Variants in NEK9 observed in about 807,000 individuals in gnomAD.
NEK9 encodes NIMA related kinase 9, also known as serine/threonine-protein kinase Nek9.
In NEK9, 75 loss-of-function variants were observed where a neutral mutation model predicts 123.4. That is an observed-to-expected ratio of 0.61 (90% CI 0.50 to 0.74). The LOEUF (loss-of-function observed/expected upper bound fraction) is 0.74. Among genes scored for constraint, NEK9 ranks in the 30% least tolerant of loss-of-function variants. The pLI is 0.00. For synonymous variants in NEK9, 438 were observed against 458.7 expected, an observed-to-expected ratio of 0.95 and a Z score of 0.58; for missense variants, 952 against 1,214.4, an observed-to-expected ratio of 0.78 and a Z score of 3.21.
In NEK9 at chr14:75,113,449, G is replaced by A. The variant is rs175464; in HGVS notation, c.874-46C>T. The A allele has an allele frequency of 1, 1,361,695 of 1,364,734 alleles. 679,369 individuals carry two copies. The highest frequency in any genetic ancestry group is 1 in the East Asian group (43,458 of 43,458). The allele number at this position is 1,364,734 out of a possible 1,614,324, so 84.5% of individuals were successfully genotyped here. On this transcript the variant is annotated intron_variant, in intron 7 of 21. Transcript: ENST00000238616. ...TAGTTTTCACTTAATGGAAATGGGC[G>A]ACATCGGATCTAAAGATGTTAATTA...
At chr14:75,118,722 T>G in intron 5 of NEK9, 108 bp downstream of exon 5, 1 of 692,402 alleles carries the variant, frequency 1.4e-6, no homozygotes, top group Non-Finnish European at 2.5e-6. Flanking sequence ...ATTAAAAGTA[T>G]GGAGAACTTG....
chr14:75,115,867 A>G (rs899481568), intron 6 of NEK9, among the ~76,000 whole-genome samples: 2 of 152,196 alleles, frequency 1.3e-5, no homozygotes, highest in African/African-American at 4.8e-5. Flanking sequence ...TTGTACTTTA[A>G]TTTACTTAAA....
chr14:75,083,238 TACAAGG>T lies in NEK9; in HGVS notation c.*1320_*1325del. 2.5e-6 allele frequency: 1 copy of T among 397,496 alleles called. No homozygotes were observed. Among genetic ancestry groups the T allele is most frequent in the East Asian group, 3.6e-5 (1 of 28,074 alleles). The allele number at this position is 397,496 out of a possible 1,614,324, so 24.6% of individuals were successfully genotyped here. A position where few individuals can be genotyped will look rare whatever the true frequency, so the allele number is the denominator to read the frequency against. ...GACACAAAATACCACAGGAACATTT[TACAAGG>T]CTAGGTGGAAATACAAAGCTCACAT... On this transcript the variant is annotated 3_prime_UTR_variant, in exon 22 of 22. Transcript: ENST00000238616.
chr14:75,091,980 C>CT lies in NEK9; in HGVS notation c.2234-503dup, dbSNP rs999518028. Among the ~76,000 whole-genome samples the CT allele has an allele frequency of 7.6e-3, 1,117 of 146,816 alleles. 6 individuals carry two copies. Among genetic ancestry groups the CT allele is most frequent in the African/African-American group, 0.024 (989 of 40,368 alleles). ...AAAATCTGAATGTTGAATTCTTCAA[C>CT]TTTTTTTTTTTTATTTGAGACCGAG... On this transcript the variant is annotated intron_variant, in intron 18 of 21. Transcript: ENST00000238616.
intron 7 of NEK9, 145 bp from the exon 8 acceptor site, chr14:75,113,548 A>G: frequency 1.6e-6 from 1 of 616,910 alleles, no homozygotes; most frequent in Non-Finnish European, 2.9e-6. Flanking sequence ...TATGCTTCTC[A>G]CCTCATTATA....
chr14:75,080,608 TAAAA>T lies in NEK9; in HGVS notation c.*3952_*3955del, dbSNP rs1893842192. The T allele has an allele frequency of 1.3e-5, 2 of 151,610 alleles. No individual in the cohort carries two copies. Among genetic ancestry groups the T allele is most frequent in the Non-Finnish European group, 1.5e-5 (1 of 67,980 alleles). The allele number at this position is 151,610 out of a possible 1,614,324, so 9.4% of individuals were successfully genotyped here. A position where few individuals can be genotyped will look rare whatever the true frequency, so the allele number is the denominator to read the frequency against. ...CTCCTCATGTGGAAACTCATTTCATTAAAAATGTATGCAGATGTGCCGAGACAGT... is the reference window on the plus strand; with the variant it reads ...CTCCTCATGTGGAAACTCATTTCATTATGTATGCAGATGTGCCGAGACAGT... On this transcript the variant is annotated 3_prime_UTR_variant, in exon 22 of 22. Transcript: ENST00000238616.
At chr14:75,096,870 C>A (rs1032082629) in intron 17 of NEK9, 16 of 379,572 alleles carry the variant, frequency 4.2e-5, no homozygotes, top group African/African-American at 3.1e-4. Context: ...AGGGGGCAGG[C>A]AGAGCCCAAA....
intron 1 of NEK9, among the ~76,000 whole-genome samples, chr14:75,124,549 T>C (rs966784928): frequency 5.9e-5 from 9 of 152,188 alleles, no homozygotes; most frequent in African/African-American, 2.2e-4. Flanking sequence ...ATGGTGATTA[T>C]GGCAGGGCAA....
At chr14:75,106,091 C>T in intron 12 of NEK9, 95 bp from the exon 13 acceptor site, 2 of 1,109,564 alleles carry the variant, frequency 1.8e-6, no homozygotes, top group Non-Finnish European at 2.7e-6. Flanking sequence ...TGCGGTGGCT[C>T]ACACCTGTAA....
chr14:75,092,376 C>T (rs775705210), intron 18 of NEK9, among the ~76,000 whole-genome samples: 12 of 151,936 alleles, frequency 7.9e-5, no homozygotes, highest in South Asian at 2.1e-4. Flanking sequence ...AAGTGATTCT[C>T]GTGCCTCAGC....
rs756664550 is a variant in NEK9 at position 75,107,504 on chromosome 14, T to A, written c.1183-17A>T. 5.8e-6 allele frequency: 9 copies of A among 1,558,998 alleles called. No homozygotes were observed. The highest frequency in any genetic ancestry group is 6.9e-6 in the Non-Finnish European group (8 of 1,159,072). On this transcript the variant is annotated splice_polypyrimidine_tract_variant and intron_variant, in intron 10 of 21. Coordinates refer to ENST00000238616, the MANE Select transcript of NEK9 (RefSeq NM_033116.6). ...TTGCATGTTCTGTGAAATAAAGAGG[T>A]CTTATGACTTTTTTTTTTAATTACA... is the stretch of plus-strand genomic sequence containing the variant.
intron 21 of NEK9, 63 bp from the exon 22 acceptor site, chr14:75,084,749 G>A: frequency 1.9e-6 from 3 of 1,602,864 alleles, no homozygotes. Context: ...AAGTAGTTCA[G>A]TACTATATTT....
chr14:75,094,825 C>T (rs545589271), intron 18 of NEK9, among the ~76,000 whole-genome samples: 18 of 152,068 alleles, frequency 1.2e-4, no homozygotes, highest in Non-Finnish European at 2.4e-4. Flanking sequence ...GGTTCTGAGA[C>T]ATCAAAGACT....
intron 4 of NEK9, among the ~76,000 whole-genome samples, chr14:75,119,595 T>C (rs762251963): frequency 1.4e-4 from 22 of 152,236 alleles, no homozygotes; most frequent in Non-Finnish European, 1.2e-4. Context: ...CCTCTTCAAC[T>C]ATCACTTATG....
intron 14 of NEK9, among the ~76,000 whole-genome samples, chr14:75,103,020 A>C (rs1416242078): frequency 6.6e-6 from 1 of 151,794 alleles, no homozygotes; most frequent in Non-Finnish European, 1.5e-5. Flanking sequence ...AGGAAGGGGA[A>C]CATCACACAC....
At chr14:75,115,907 T>G (rs1259522493) in intron 6 of NEK9, among the ~76,000 whole-genome samples, 5 of 152,228 alleles carry the variant, frequency 3.3e-5, no homozygotes, top group Non-Finnish European at 7.3e-5. Flanking sequence ...AGGGATTCAT[T>G]GTCCATAAAG....
rs966808202 is a variant in NEK9 at position 75,126,998 on chromosome 14, G to C, written c.-77C>G. On this transcript the variant is annotated 5_prime_UTR_variant, in exon 1 of 22. In the 5' UTR this introduces an upstream ATG that the reference lacks. Coordinates refer to ENST00000238616, the MANE Select transcript of NEK9 (RefSeq NM_033116.6). Reference sequence around the variant, plus strand: ...GCCGCGCTGCGTCCCGCTCGCTTCAGATGCCGGCCCGCGGATCCGTCAGCC... The same window carrying C: ...GCCGCGCTGCGTCCCGCTCGCTTCACATGCCGGCCCGCGGATCCGTCAGCC... 3.2e-6 allele frequency: 4 copies of C among 1,235,928 alleles called. No individual in the cohort carries two copies. In the African/African-American group the frequency reaches 6.4e-5, roughly 20 times the overall value. The allele number at this position is 1,235,928 out of a possible 1,614,324, so 76.6% of individuals were successfully genotyped here. A position where few individuals can be genotyped will look rare whatever the true frequency, so the allele number is the denominator to read the frequency against.
At chr14:75,114,343 T>C in intron 6 of NEK9, 30 bp from the exon 7 acceptor site, 1 of 1,535,426 alleles carries the variant, frequency 6.5e-7, no homozygotes, top group African/African-American at 1.4e-5. Context: ...GCATTGTTCC[T>C]GGTTATATAA....
At chr14:75,104,394 G>A (rs1002684836) in intron 13 of NEK9, among the ~76,000 whole-genome samples, 2 of 152,012 alleles carry the variant, frequency 1.3e-5, no homozygotes, top group African/African-American at 2.4e-5. Flanking sequence ...TCGAACTCCT[G>A]ACCTCAGGTG....
Sources: gnomAD v4.1 joint callset for allele counts (sites outside exome capture counted in the v4.1 genomes callset) on GRCh38, gnomAD v4.1.1 for gene constraint, MANE v1.5 for transcripts, NCBI Gene and HGNC (gene_info 2026-07-23, HGNC 2026-07-21) for gene names.